The following ADAMTS3 variants were observed in gnomAD, a reference collection of about 807,000 sequenced individuals.
The protein encoded by ADAMTS3 is ADAM metallopeptidase with thrombospondin type 1 motif 3.
ADAMTS3 carries 73 observed loss-of-function variants against 129.0 expected under a neutral mutation model. That is an observed-to-expected ratio of 0.57 (90% CI 0.47 to 0.69). The LOEUF (loss-of-function observed/expected upper bound fraction) is 0.69. Among genes scored for constraint, ADAMTS3 ranks in the 30% least tolerant of loss-of-function variants. The pLI is 0.00. For missense variants in ADAMTS3, 1,457 were observed against 1,514.5 expected (o/e 0.96, Z 0.63); for synonymous variants, 477 against 510.8 (o/e 0.93, Z 0.89).
At chr4:72,534,493 A>C (rs1391972772) in intron 3 of ADAMTS3, among the ~76,000 whole-genome samples, 1 of 152,222 alleles carries the variant, frequency 6.6e-6, no homozygotes, top group Non-Finnish European at 1.5e-5. Context: ...ACAAAATGGT[A>C]CAGGTCTATG....
intron 3 of ADAMTS3, among the ~76,000 whole-genome samples, chr4:72,498,112 C>T (rs1249787159): frequency 6.6e-6 from 1 of 152,000 alleles, no homozygotes; most frequent in African/African-American, 2.4e-5. Context: ...TAAGTGTTTT[C>T]CGTATAACAT....
Position 72,400,408 on chromosome 4 carries a change from G to T in ADAMTS3, c.661+14407C>A, listed in dbSNP as rs1273281423. On this transcript the variant is annotated intron_variant, in intron 4 of 21. Coordinates refer to ENST00000286657, the MANE Select transcript of ADAMTS3 (RefSeq NM_014243.3). ...TATACGTGTGCATAGATATGCACAC[G>T]GTGTGTATATATACGTGTGCATAGA... Among the ~76,000 whole-genome samples, 2 of 88,050 alleles carry T rather than the reference G, an allele frequency of 2.3e-5. 1 individual carries two copies. The highest frequency in any genetic ancestry group is 4.6e-5 in the Non-Finnish European group (2 of 43,342). The allele number at this position is 88,050 out of a possible 152,430, so 57.8% of individuals were successfully genotyped here.
At position 72,318,691 on chromosome 4, in the gene ADAMTS3, G is replaced by T. The variant is rs762209827; in HGVS notation, c.1366C>A (p.Leu456Ile). 5 of 1,613,594 alleles carry T rather than the reference G, an allele frequency of 3.1e-6. No individual in the cohort carries two copies. Among genetic ancestry groups the T allele is most frequent in the Non-Finnish European group, 4.2e-6 (5 of 1,179,708 alleles). ...LKRYIHSYDCLLDDPFDHDWP... is the reference protein window; with the variant it reads ...LKRYIHSYDCILDDPFDHDWP... ...TCATGATCAAAAGGGTCATCAAGGA[G>T]ACAGTCATAGGAACTGTAGGAAGAA... is the stretch of plus-strand genomic sequence containing the variant. The change falls in exon 10 of 22, where the codon CTC (leucine) becomes ATC (isoleucine). Residue 456 changes from leucine to isoleucine, a missense_variant. Leu to Ile is a conservative substitution (Grantham distance 5). Transcript: ENST00000286657.
intron 4 of ADAMTS3, among the ~76,000 whole-genome samples, chr4:72,356,373 A>G (rs925050982): frequency 6.6e-6 from 1 of 151,942 alleles, no homozygotes; most frequent in African/African-American, 2.4e-5. Flanking sequence ...ACACTATTAT[A>G]TGATATTCTA....
intron 3 of ADAMTS3, among the ~76,000 whole-genome samples, chr4:72,481,040 G>A (rs1211047788): frequency 6.6e-6 from 1 of 151,962 alleles, no homozygotes; most frequent in East Asian, 1.9e-4. Flanking sequence ...CACAATATTG[G>A]TGAAAGAAAT....
intron 3 of ADAMTS3, among the ~76,000 whole-genome samples, chr4:72,475,702 TAC>T (rs1719211817): frequency 6.6e-6 from 1 of 151,732 alleles, no homozygotes; most frequent in African/African-American, 2.4e-5. Flanking sequence ...GGAAACTATA[TAC>T]AGTTTCAAGA....
At chr4:72,495,047 G>A (rs889916695) in intron 3 of ADAMTS3, among the ~76,000 whole-genome samples, 2 of 152,142 alleles carry the variant, frequency 1.3e-5, no homozygotes, top group African/African-American at 2.4e-5. Flanking sequence ...ACATGTGGGC[G>A]CACACAACCA....
At chr4:72,535,093 C>G (rs996301693) in intron 3 of ADAMTS3, among the ~76,000 whole-genome samples, 1 of 152,158 alleles carries the variant, frequency 6.6e-6, no homozygotes, top group Non-Finnish European at 1.5e-5. Flanking sequence ...TATGCTTGGT[C>G]TGCTTTCTTG....
chr4:72,537,509 C>A (rs1032879468), intron 3 of ADAMTS3, among the ~76,000 whole-genome samples: 2 of 151,950 alleles, frequency 1.3e-5, no homozygotes, highest in African/African-American at 4.8e-5. Flanking sequence ...ATTGTGCATG[C>A]CCAGGGAAAG....
intron 2 of ADAMTS3, among the ~76,000 whole-genome samples, chr4:72,563,365 A>G (rs2109808126): frequency 6.6e-6 from 1 of 152,290 alleles, no homozygotes; most frequent in South Asian, 2.1e-4. Flanking sequence ...TAAATTTTAC[A>G]AAGGATCCCC....
chr4:72,430,865 T>G (rs765492302), intron 3 of ADAMTS3, among the ~76,000 whole-genome samples: 1 of 147,432 alleles, frequency 6.8e-6, no homozygotes, highest in South Asian at 2.1e-4. Flanking sequence ...CTGGCTGGAA[T>G]AGAAGATGAG....
chr4:72,559,024 T>C (rs1721837331), intron 2 of ADAMTS3, among the ~76,000 whole-genome samples: 1 of 150,722 alleles, frequency 6.6e-6, no homozygotes, highest in South Asian at 2.1e-4. Flanking sequence ...TAGGGGGAGG[T>C]GAACCAATCC....
chr4:72,414,894 T>C lies in ADAMTS3; in HGVS notation c.582A>G (p.Lys194=). 1 of 1,585,420 alleles carries C rather than the reference T, an allele frequency of 6.3e-7. No individual in the cohort carries two copies. The highest frequency in any genetic ancestry group is 1.2e-5 in the South Asian group (1 of 86,794). The change falls in exon 4 of 22, where the codon AAA becomes AAG. Residue 194 remains lysine (K), a synonymous_variant. Coordinates refer to ENST00000286657, the MANE Select transcript of ADAMTS3 (RefSeq NM_014243.3). ...TCTTGTAGACAACATGAATCCTTCC[T>C]TTTTCTTCCTCCATCTGTTTACCTC... ...LERGKQMEEE[K]GRIHVVYKRS... is the part of the protein sequence containing the mutation.
intron 21 of ADAMTS3, among the ~76,000 whole-genome samples, chr4:72,286,610 T>C (rs553030157): frequency 6.6e-6 from 1 of 152,334 alleles, no homozygotes; most frequent in African/African-American, 2.4e-5. Flanking sequence ...AACAATGTCT[T>C]ACTTATGGTG....
intron 10 of ADAMTS3, among the ~76,000 whole-genome samples, chr4:72,317,864 T>C (rs1719440671): frequency 6.6e-6 from 1 of 151,924 alleles, no homozygotes; most frequent in Non-Finnish European, 1.5e-5. Context: ...CCGTCTCTAC[T>C]AAAAATACAA....
chr4:72,347,494 C>G (rs1309363354), intron 4 of ADAMTS3, among the ~76,000 whole-genome samples: 1 of 151,702 alleles, frequency 6.6e-6, no homozygotes, highest in Admixed American at 6.6e-5. Context: ...TTTTATTTCC[C>G]AATTTGTTTA....
At chr4:72,532,820 A>G (rs1460959571) in intron 3 of ADAMTS3, among the ~76,000 whole-genome samples, 3 of 152,202 alleles carry the variant, frequency 2.0e-5, no homozygotes, top group Non-Finnish European at 4.4e-5. Context: ...ATATGTGAAC[A>G]TAGAAAAGAA....
intron 4 of ADAMTS3, among the ~76,000 whole-genome samples, chr4:72,354,651 T>C (rs1256162385): frequency 6.6e-6 from 1 of 152,020 alleles, no homozygotes; most frequent in Non-Finnish European, 1.5e-5. Flanking sequence ...CATTTCAACA[T>C]TGACATTCCA....
intron 4 of ADAMTS3, among the ~76,000 whole-genome samples, chr4:72,372,039 A>T (rs1721022734): frequency 6.6e-6 from 1 of 152,168 alleles, no homozygotes; most frequent in Non-Finnish European, 1.5e-5. Context: ...TGTCAAAGAA[A>T]ACATCACAGT....
Sources: gnomAD v4.1 joint callset for allele counts (sites outside exome capture counted in the v4.1 genomes callset) on GRCh38, gnomAD v4.1.1 for gene constraint, MANE v1.5 for transcripts, NCBI Gene and HGNC (gene_info 2026-07-23, HGNC 2026-07-21) for gene names.